The following CTNNA2 variants were observed in gnomAD, a reference collection of about 807,000 sequenced individuals.
CTNNA2 encodes the protein catenin alpha 2, also known as catenin alpha-2.
Under a neutral mutation model 101.0 loss-of-function variants are expected in CTNNA2, and 42 were observed. The ratio of observed to expected loss-of-function variants is 0.42; its 90% CI spans 0.32 to 0.54. CTNNA2 has a LOEUF of 0.54. Ranked by LOEUF, CTNNA2 falls within the 20% of genes least tolerant of loss-of-function variation. The pLI, the probability that CTNNA2 is intolerant of heterozygous loss-of-function variation, is 0.14. For missense variants in CTNNA2, 871 were observed against 1,223.1 expected (o/e 0.71, Z 4.29); for synonymous variants, 450 against 456.4 (o/e 0.99, Z 0.18).
chr2:79,858,929 G>A (rs1302836397), intron 4 of CTNNA2, among the ~76,000 whole-genome samples: 1 of 151,522 alleles, frequency 6.6e-6, no homozygotes, highest in Non-Finnish European at 1.5e-5. Flanking sequence ...CCTTGACTAC[G>A]GGTCGTTCTT....
At chr2:79,442,853 G>GTA (rs1293236043) in intron 4 of CTNNA2, among the ~76,000 whole-genome samples, 1 of 152,042 alleles carries the variant, frequency 6.6e-6, no homozygotes, top group East Asian at 1.9e-4. Context: ...TACTGTCAGG[G>GTA]CTTGGCCTTC....
Position 80,090,602 on chromosome 2 carries a change from C to A in CTNNA2, c.1056+180805C>A, listed in dbSNP as rs568657395. Among the ~76,000 whole-genome samples the A allele has an allele frequency of 6.8e-4, 104 of 152,118 alleles. 1 individual carries two copies. The highest frequency in any genetic ancestry group is 2.5e-3 in the African/African-American group (102 of 41,514). On this transcript the variant is annotated intron_variant, in intron 7 of 18. Coordinates refer to ENST00000402739, the MANE Select transcript of CTNNA2 (RefSeq NM_001282597.3). ...TAGGATGTGTGTTCAGTTCTTGAACCTCATCTTATGCAGTGTGCACTTGTG... is the reference window on the plus strand; with the variant it reads ...TAGGATGTGTGTTCAGTTCTTGAACATCATCTTATGCAGTGTGCACTTGTG...
intron 3 of CTNNA2, among the ~76,000 whole-genome samples, chr2:79,764,149 A>G (rs1274703728): frequency 6.6e-6 from 1 of 152,208 alleles, no homozygotes; most frequent in Non-Finnish European, 1.5e-5. Context: ...GGGGAAAGAG[A>G]CACTCAGTGT....
chr2:80,220,068 A>G (rs974032345), intron 7 of CTNNA2, among the ~76,000 whole-genome samples: 10 of 152,180 alleles, frequency 6.6e-5, no homozygotes, highest in Non-Finnish European at 7.4e-5. Context: ...TTAATACCTT[A>G]CTTTGTTTTG....
At chr2:79,259,149 G>A (rs768131243) in intron 2 of CTNNA2, among the ~76,000 whole-genome samples, 13 of 152,044 alleles carry the variant, frequency 8.6e-5, no homozygotes, top group East Asian at 3.9e-4. Context: ...GTATTTTATC[G>A]GCTATTTGTA....
chr2:79,965,987 T>C (rs1384999496), intron 7 of CTNNA2, among the ~76,000 whole-genome samples: 2 of 151,874 alleles, frequency 1.3e-5, no homozygotes, highest in African/African-American at 4.8e-5. Context: ...GGGGAATACA[T>C]ACGTATATTT....
chr2:80,115,342 C>T (rs76104340), intron 7 of CTNNA2, among the ~76,000 whole-genome samples: 2,653 of 152,272 alleles, frequency 0.017, 71 homozygotes, highest in African/African-American at 0.059. Flanking sequence ...ACATGGTATA[C>T]ACTTATGATA....
At chr2:79,318,726 C>A (rs955177968) in intron 3 of CTNNA2, among the ~76,000 whole-genome samples, 3 of 152,182 alleles carry the variant, frequency 2.0e-5, no homozygotes, top group African/African-American at 7.2e-5. Context: ...GCAAAGTCAT[C>A]CTCATTCATT....
intron 7 of CTNNA2, among the ~76,000 whole-genome samples, chr2:80,366,361 C>T (rs1384017390): frequency 6.6e-6 from 1 of 152,118 alleles, no homozygotes; most frequent in East Asian, 1.9e-4. Context: ...ACTGTCAGTG[C>T]CTTGATACTT....
chr2:79,858,160 T>G lies in CTNNA2; in HGVS notation c.446T>G (p.Leu149Arg), dbSNP rs1321850978. 6.2e-7 allele frequency: 1 copy of G among 1,612,868 alleles called. No homozygotes were observed. The highest frequency in any genetic ancestry group is 8.5e-7 in the Non-Finnish European group (1 of 1,178,982). The change falls in exon 4 of 19, where the codon CTT becomes CGT. Residue 149 changes from leucine (L) to arginine (R), a missense_variant. By Grantham distance (102) the Leu-to-Arg change is moderately radical. This residue lies in a region of CTNNA2 where 647 missense variants were observed against 831.5 expected (regional missense o/e 0.78). Coordinates refer to ENST00000402739, the MANE Select transcript of CTNNA2 (RefSeq NM_001282597.3). The stretch of plus-strand genomic sequence containing the variant: ...GCGGACATGGCAGATGTCATGAGAC[T>G]TTTATCCCATCTGAAAATTGTACGT... ...ILADMADVMR[L>R]LSHLKIVEEA...
At chr2:79,579,402 C>T (rs1293839207) in intron 1 of CTNNA2, among the ~76,000 whole-genome samples, 1 of 152,022 alleles carries the variant, frequency 6.6e-6, no homozygotes, top group Non-Finnish European at 1.5e-5. Flanking sequence ...GGATTTAATT[C>T]TGTGTTTAAA....
chr2:80,343,888 C>T (rs1032867295), intron 7 of CTNNA2, among the ~76,000 whole-genome samples: 1 of 152,206 alleles, frequency 6.6e-6, no homozygotes, highest in Admixed American at 6.5e-5. Context: ...AATTCTCCCT[C>T]ACACACTTAT....
intron 3 of CTNNA2, among the ~76,000 whole-genome samples, chr2:79,752,261 C>T (rs1182593887): frequency 6.6e-6 from 1 of 152,024 alleles, no homozygotes; most frequent in African/African-American, 2.4e-5. Flanking sequence ...AAAGCAATCC[C>T]CTGAAAAATA....
At chr2:79,739,590 G>A (rs1198762065) in intron 2 of CTNNA2, among the ~76,000 whole-genome samples, 1 of 152,218 alleles carries the variant, frequency 6.6e-6, no homozygotes, top group African/African-American at 2.4e-5. Context: ...TACAAGTGCA[G>A]TTTTGTTACA....
chr2:80,305,459 C>T, intron 7 of CTNNA2: 1 of 852,138 alleles, frequency 1.2e-6, no homozygotes, highest in Non-Finnish European at 1.4e-6. Context: ...CTGACTTGTG[C>T]TGTTCATGGT....
intron 7 of CTNNA2, among the ~76,000 whole-genome samples, chr2:79,948,400 A>G (rs185518917): frequency 1.3e-5 from 2 of 152,344 alleles, no homozygotes; most frequent in Admixed American, 1.3e-4. Context: ...ACTAATTGCT[A>G]ACAATAGCCT....
At chr2:79,985,435 C>T (rs577780776) in intron 7 of CTNNA2, among the ~76,000 whole-genome samples, 1 of 152,238 alleles carries the variant, frequency 6.6e-6, no homozygotes, top group South Asian at 2.1e-4. Flanking sequence ...CAAACTGCCT[C>T]TTCAGTGAGA....
At chr2:79,231,552 G>A (rs1674493640) in intron 2 of CTNNA2, among the ~76,000 whole-genome samples, 1 of 152,128 alleles carries the variant, frequency 6.6e-6, no homozygotes. Flanking sequence ...TTGTTTGTTT[G>A]TTTGTTCCAA....
At chr2:79,558,702 C>T (rs1413714324) in intron 1 of CTNNA2, among the ~76,000 whole-genome samples, 1 of 151,862 alleles carries the variant, frequency 6.6e-6, no homozygotes, top group Non-Finnish European at 1.5e-5. Context: ...GAAAGTCTTT[C>T]TACACCCTTT....
Sources: gnomAD v4.1 joint callset for allele counts (sites outside exome capture counted in the v4.1 genomes callset) on GRCh38, gnomAD v4.1.1 for gene constraint, gnomAD v4.1.1 regional missense constraint, MANE v1.5 for transcripts, NCBI Gene and HGNC (gene_info 2026-07-23, HGNC 2026-07-21) for gene names.